SPEG: variants seen among roughly 807,000 people sequenced by gnomAD.
SPEG encodes the protein striated muscle enriched protein kinase.
In SPEG, 114 loss-of-function variants were observed where a neutral mutation model predicts 300.4. The observed-to-expected ratio is 0.38, with a 90% CI of 0.33 to 0.44. The LOEUF (loss-of-function observed/expected upper bound fraction) is 0.44, where lower values mean the gene tolerates loss of function less well. Ranked by LOEUF, SPEG falls within the 20% of genes least tolerant of loss-of-function variation. The probability of loss-of-function intolerance (pLI) is 1.00; values close to 1 mark genes in which losing one functional copy is unlikely to be tolerated. For synonymous variants in SPEG, 1,964 were observed against 2,018.9 expected (o/e 0.97, Z 0.73); for missense variants, 4,201 against 4,586.2 (o/e 0.92, Z 2.43).
At chr2:219,489,311 G>A (rs1488622192) in intron 35 of SPEG, 25 bp from the exon 36 acceptor site, 22 of 1,613,454 alleles carry the variant, frequency 1.4e-5, no homozygotes, top group East Asian at 4.5e-5. Flanking sequence ...AAGGCACCAC[G>A]GTGATGATTT....
intron 6 of SPEG, chr2:219,460,755 G>A (rs900493652): frequency 2.3e-5 from 23 of 984,878 alleles, no homozygotes; most frequent in South Asian, 1.9e-4. Context: ...GCTGCCTGCC[G>A]GCCTGCCATC....
At chr2:219,467,507 T>C in intron 10 of SPEG, 73 bp downstream of exon 10, 1 of 1,510,148 alleles carries the variant, frequency 6.6e-7, no homozygotes, top group East Asian at 2.3e-5. Flanking sequence ...GGGTGTACAG[T>C]AAGATGCCTG....
In SPEG at chr2:219,451,523, G is replaced by A. The variant is rs1689746227; in HGVS notation, c.2258-102G>A. 3 of 1,261,470 alleles carry A rather than the reference G, an allele frequency of 2.4e-6. No homozygotes were observed. The highest frequency in any genetic ancestry group is 3.2e-6 in the Non-Finnish European group (3 of 946,136). 78.1% of individuals were successfully genotyped at this position (1,261,470 alleles called of 1,614,324 possible). A position where few individuals can be genotyped will look rare whatever the true frequency, so the allele number is the denominator to read the frequency against. ...TCTTCCAGATTCCCTGGGGTGCTGAGAGGAGAGGTTTGGTCTCCTGTGTGG... is the reference window on the plus strand; with the variant it reads ...TCTTCCAGATTCCCTGGGGTGCTGAAAGGAGAGGTTTGGTCTCCTGTGTGG... On this transcript the variant is annotated intron_variant, in intron 5 of 40. Coordinates refer to ENST00000312358, the MANE Select transcript of SPEG (RefSeq NM_005876.5). This position sits in a 1 kb window ranked among gnomAD's most constrained non-coding sequence, Gnocchi z 6.4.
Position 219,491,822 on chromosome 2 carries a change from C to T in SPEG, c.9414C>T (p.Ile3138=), listed in dbSNP as rs1257939548. 8.7e-6 allele frequency: 14 copies of T among 1,612,864 alleles called. 1 individual carries two copies. Among genetic ancestry groups the T allele is most frequent in the African/African-American group, 1.3e-5 (1 of 74,874 alleles). ...MAPEMVKGEP[I]GSATDIWGAG... ...CGGAGATGGTGAAGGGAGAACCCATCGGCTCTGCCACGGACATCTGGGGAG... is the reference window on the plus strand; with the variant it reads ...CGGAGATGGTGAAGGGAGAACCCATTGGCTCTGCCACGGACATCTGGGGAG... The change falls in exon 39 of 41, where the codon ATC becomes ATT. Residue 3138 remains isoleucine (I), a synonymous_variant. Coordinates refer to ENST00000312358, the MANE Select transcript of SPEG (RefSeq NM_005876.5).
chr2:219,449,329 G>C (rs979446878), intron 4 of SPEG, 58 bp downstream of exon 4: 22 of 1,313,070 alleles, frequency 1.7e-5, no homozygotes, highest in African/African-American at 6.2e-5. Context: ...GGCGTTTGTG[G>C]AGAGCAAGAC....
chr2:219,468,767 C>T lies in SPEG; in HGVS notation c.3301+31C>T, dbSNP rs771066289. On this transcript the variant is annotated intron_variant, in intron 11 of 40. Coordinates refer to ENST00000312358, the MANE Select transcript of SPEG (RefSeq NM_005876.5). ...GCCCCTGTGCTGCAGGTGTTGAGGG[C>T]CCCCCCAAGGGCCCAGGCGGCGATG... 3.1e-6 allele frequency: 5 copies of T among 1,610,776 alleles called. No individual in the cohort carries two copies. In the East Asian group the frequency reaches 1.1e-4, roughly 36 times the overall value.
At chr2:219,460,727 G>T in intron 6 of SPEG, 1 of 982,144 alleles carries the variant, frequency 1.0e-6, no homozygotes, top group Non-Finnish European at 1.2e-6. Context: ...GTCTCGGCAG[G>T]CACCACCTTC....
chr2:219,491,488 T>G (rs771396077), intron 38 of SPEG, among the ~76,000 whole-genome samples: 1 of 152,174 alleles, frequency 6.6e-6, no homozygotes, highest in Non-Finnish European at 1.5e-5. Flanking sequence ...GCCACACTCT[T>G]TGTGAATGGG....
At chr2:219,471,816 C>T in intron 13 of SPEG, 52 bp from the exon 14 acceptor site, 1 of 1,609,882 alleles carries the variant, frequency 6.2e-7, no homozygotes, top group Non-Finnish European at 8.5e-7. Context: ...GGGCCTACCC[C>T]TCAAGGTATC....
chr2:219,442,593 C>T (rs1689003598), intron 1 of SPEG, among the ~76,000 whole-genome samples: 1 of 151,570 alleles, frequency 6.6e-6, no homozygotes, highest in African/African-American at 2.4e-5. Flanking sequence ...GAGGCTCTGG[C>T]CCTCTGCCCC....
chr2:219,486,102 CT>C (rs375833397), intron 31 of SPEG, among the ~76,000 whole-genome samples: 22 of 152,392 alleles, frequency 1.4e-4, no homozygotes, highest in African/African-American at 5.0e-4. Context: ...CTGACTGCCC[CT>C]CCCTGACCCT....
Position 219,483,177 on chromosome 2 carries a change from G to T in SPEG, c.5714G>T (p.Trp1905Leu). 1.2e-6 allele frequency: 2 copies of T among 1,609,648 alleles called. No individual in the cohort carries two copies. The highest frequency in any genetic ancestry group is 1.7e-6 in the Non-Finnish European group (2 of 1,179,140). Residue 1905 changes from tryptophan (W) to leucine (L), a missense_variant, in exon 30 of 41, where the codon TGG becomes TTG. By Grantham distance (61) the Trp-to-Leu change is moderately conservative. Around this residue, in one of 4 missense-constraint regions of SPEG, gnomAD observed 1,578 missense variants for 1,506.0 expected, o/e 1.05. Coordinates refer to ENST00000312358, the MANE Select transcript of SPEG (RefSeq NM_005876.5). The part of the protein sequence containing the change: ...ELLRAPPERV[W>L]VTMPRRPPPS... ...CTGCGGGCCCCCCCAGAGCGGGTGT[G>T]GGTGACCATGCCCAGAAGGCCACCC...
rs780051147 is a variant in SPEG at position 219,444,738 on chromosome 2, C to T, written c.474C>T (p.Pro158=). The T allele has an allele frequency of 1.5e-5, 25 of 1,613,818 alleles. No individual in the cohort carries two copies. The Admixed American group carries it at 3.5e-4, about 23-fold the overall frequency. Residue 158 remains proline, a synonymous_variant, in exon 2 of 41, where the codon CCC becomes CCT. Transcript: ENST00000312358. The surrounding 1 kb of genome is among the most constrained non-coding windows in gnomAD (Gnocchi z 7.8). ...ELRDDGAFST[P]TGGSDTLVGT... ...GGGATGACGGGGCCTTCAGCACCCC[C>T]ACGGGTGAGCTCCTGGGGTGTACAA...
At chr2:219,488,690 G>A in intron 33 of SPEG, 25 bp downstream of exon 33, 2 of 1,604,174 alleles carry the variant, frequency 1.2e-6, no homozygotes, top group South Asian at 1.1e-5. Flanking sequence ...GGGCCCCAGG[G>A]GGGTAGTGAT....
chr2:219,475,384 T>C (rs541870586), intron 18 of SPEG, among the ~76,000 whole-genome samples: 10 of 152,292 alleles, frequency 6.6e-5, no homozygotes, highest in African/African-American at 2.4e-4. Flanking sequence ...AACTTTCCGG[T>C]GCTTTGACCT....
In SPEG at chr2:219,473,990, C is replaced by A; in HGVS notation, c.4447+87C>A. 1 of 1,411,548 alleles carries A rather than the reference C, an allele frequency of 7.1e-7. No homozygotes were observed. Among genetic ancestry groups the A allele is most frequent in the Non-Finnish European group, 9.6e-7 (1 of 1,042,714 alleles). The allele number at this position is 1,411,548 out of a possible 1,614,324, so 87.4% of individuals were successfully genotyped here. A position where few individuals can be genotyped will look rare whatever the true frequency, so the allele number is the denominator to read the frequency against. On this transcript the variant is annotated intron_variant, in intron 18 of 40. Transcript: ENST00000312358. This position sits in a 1 kb window ranked among gnomAD's most constrained non-coding sequence, Gnocchi z 4.6. ...CCCCAGGTACACAACCTGCCTGACA[C>A]TGCTGCAGATCCAAACCCATGTCCT...
chr2:219,464,192 G>A lies in SPEG; in HGVS notation c.2706-241G>A, dbSNP rs1217408900. On this transcript the variant is annotated intron_variant, in intron 8 of 40. Transcript: ENST00000312358. This position sits in a 1 kb window ranked among gnomAD's most constrained non-coding sequence, Gnocchi z 4.5. ...TCCACTCTGAATGCAGCAGGGTTCC[G>A]AGAAGGGAGAGCTGCAGGCAGTTAG... Among the ~76,000 whole-genome samples, 1 of 151,890 alleles carries A rather than the reference G, an allele frequency of 6.6e-6. No homozygotes were observed. The highest frequency in any genetic ancestry group is 1.5e-5 in the Non-Finnish European group (1 of 67,966).
At position 219,448,291 on chromosome 2, in the gene SPEG, G is replaced by A. The variant is rs1471462952; in HGVS notation, c.1133G>A (p.Ser378Asn). The A allele has an allele frequency of 6.2e-7, 1 of 1,610,140 alleles. No homozygotes were observed. The highest frequency in any genetic ancestry group is 1.3e-5 in the African/African-American group (1 of 74,740). The change falls in exon 4 of 41, where the codon AGC (serine) becomes AAC (asparagine). Residue 378 changes from serine to asparagine, a missense_variant. Ser to Asn is a conservative substitution (Grantham distance 46). Coordinates refer to ENST00000312358, the MANE Select transcript of SPEG (RefSeq NM_005876.5). Reference sequence around the variant, plus strand: ...GAATCCCGACCCCAGACGCCACTGAGCGAGGCCTCAGGCCGCCTGTCGGCG... The same window carrying A: ...GAATCCCGACCCCAGACGCCACTGAACGAGGCCTCAGGCCGCCTGTCGGCG... ...TAESRPQTPL[S>N]EASGRLSALG...
At chr2:219,469,693 T>C (rs1691701529) in intron 13 of SPEG, among the ~76,000 whole-genome samples, 1 of 152,132 alleles carries the variant, frequency 6.6e-6, no homozygotes, top group African/African-American at 2.4e-5. Flanking sequence ...TCATCTGTAA[T>C]TGGGTTGTTA....
Sources: gnomAD v4.1 joint callset for allele counts (sites outside exome capture counted in the v4.1 genomes callset) on GRCh38, gnomAD v4.1.1 for gene constraint, gnomAD v4.1.1 regional missense constraint, Gnocchi (gnomAD v3.1) non-coding constraint, MANE v1.5 for transcripts, NCBI Gene and HGNC (gene_info 2026-07-23, HGNC 2026-07-21) for gene names.